Variants in LRCH1 observed in about 807,000 individuals in gnomAD.
LRCH1 encodes the protein leucine rich repeats and calponin homology domain containing 1, also known as leucine-rich repeat and calponin homology domain-containing protein 1.
Under a neutral mutation model 94.9 loss-of-function variants are expected in LRCH1, and 23 were observed. The observed-to-expected ratio is 0.24, with a 90% CI of 0.17 to 0.34. The LOEUF is 0.34. Among genes scored for constraint, LRCH1 ranks in the 10% least tolerant of loss-of-function variants. LRCH1 has a pLI of 1.00. For synonymous variants in LRCH1, 364 were observed against 354.9 expected, an observed-to-expected ratio of 1.03 and a Z score of -0.29; for missense variants, 790 against 945.9, an observed-to-expected ratio of 0.84 and a Z score of 2.16.
rs1366173280 is a variant in LRCH1 at position 46,743,160 on chromosome 13, A to G, written c.*1312A>G. 2.0e-6 allele frequency: 2 copies of G among 985,506 alleles called. No individual in the cohort carries two copies. Among genetic ancestry groups the G allele is most frequent in the Non-Finnish European group, 2.4e-6 (2 of 829,910 alleles). The allele number at this position is 985,506 out of a possible 1,614,324, so 61.0% of individuals were successfully genotyped here. A position where few individuals can be genotyped will look rare whatever the true frequency, so the allele number is the denominator to read the frequency against. On this transcript the variant is annotated 3_prime_UTR_variant, in exon 20 of 20. Transcript: ENST00000389797. ...AGATGATGGACTTAGCTTCCTCAAG[A>G]TAAATTTCTAGTTTATTAAGATGCA...
At position 46,742,085 on chromosome 13, in the gene LRCH1, T is replaced by G. The variant is rs1006873708; in HGVS notation, c.*237T>G. On this transcript the variant is annotated 3_prime_UTR_variant, in exon 20 of 20. Coordinates refer to ENST00000389797, the MANE Select transcript of LRCH1 (RefSeq NM_001164211.2). ...ACAACGACGACGACTGCAAAGTGTA[T>G]GCACACCGCATGCTTCCTCATCCAC... 21 of 1,372,374 alleles carry G rather than the reference T, an allele frequency of 1.5e-5. No homozygotes were observed. The African/African-American group carries it at 2.5e-4, about 16-fold the overall frequency. The allele number at this position is 1,372,374 out of a possible 1,614,324, so 85.0% of individuals were successfully genotyped here.
At chr13:46,585,469 C>G (rs534967253) in intron 1 of LRCH1, among the ~76,000 whole-genome samples, 4 of 147,008 alleles carry the variant, frequency 2.7e-5, no homozygotes, top group Non-Finnish European at 4.4e-5. Flanking sequence ...CCCAGCTACT[C>G]GTGAATCTGG....
chr13:46,751,015 G>A (rs4942574), exon 19 of LRCH1: 114,932 of 156,348 alleles, frequency 0.74, 42,526 homozygotes, highest in Middle Eastern at 0.92. Flanking sequence ...AACCAAACTC[G>A]TTATGTATTT....
intron 7 of LRCH1, among the ~76,000 whole-genome samples, chr13:46,689,453 C>T (rs1330873080): frequency 2.6e-5 from 4 of 152,036 alleles, no homozygotes; most frequent in Non-Finnish European, 4.4e-5. Flanking sequence ...TTCTCCTCTC[C>T]TACACATTAT....
chr13:46,680,162 G>T (rs1253906579), intron 3 of LRCH1: 2 of 152,246 alleles, frequency 1.3e-5, no homozygotes, highest in Admixed American at 6.5e-5. Context: ...TGCCAAGTGG[G>T]ACCTGCATGG....
At chr13:46,689,068 T>A in intron 6 of LRCH1, 65 bp from the exon 7 acceptor site, 1 of 1,243,042 alleles carries the variant, frequency 8.0e-7, no homozygotes, top group Non-Finnish European at 1.2e-6. Context: ...TTGATGTTTC[T>A]TGGTGTGAAC....
At position 46,725,942 on chromosome 13, in the gene LRCH1, C is replaced by T. The variant is rs891295920; in HGVS notation, c.1869+2612C>T. ...CATGGGTCATATTGATCATTTATGT[C>T]TTAATTTAGTGATATAAAATTAGAG... On this transcript the variant is annotated intron_variant, in intron 17 of 19. Transcript: ENST00000389797. Among the ~76,000 whole-genome samples, 6 of 152,148 alleles carry T rather than the reference C, an allele frequency of 3.9e-5. No homozygotes were observed. In the South Asian group the frequency reaches 1.2e-3, roughly 32 times the overall value.
At chr13:46,657,253 G>T (rs1453665176) in intron 2 of LRCH1, among the ~76,000 whole-genome samples, 2 of 151,416 alleles carry the variant, frequency 1.3e-5, no homozygotes, top group East Asian at 3.9e-4. Context: ...GTTCCAAATT[G>T]CATTTATTTG....
At chr13:46,650,723 A>C (rs1459523996) in intron 2 of LRCH1, among the ~76,000 whole-genome samples, 7 of 62,994 alleles carry the variant, frequency 1.1e-4, no homozygotes, top group African/African-American at 5.8e-4. Flanking sequence ...AACAAGGAGC[A>C]AAAAAAAAAA....
chr13:46,593,394 A>G (rs2050524001), intron 1 of LRCH1, among the ~76,000 whole-genome samples: 1 of 147,514 alleles, frequency 6.8e-6, no homozygotes, highest in South Asian at 2.1e-4. Context: ...AAACATTTCT[A>G]GGAATCCCAA....
At chr13:46,677,202 G>A (rs932487998) in intron 3 of LRCH1, among the ~76,000 whole-genome samples, 4 of 148,738 alleles carry the variant, frequency 2.7e-5, no homozygotes, top group Non-Finnish European at 4.4e-5. Context: ...CTGAGGTCAG[G>A]AGTTCGAGAC....
At chr13:46,584,636 T>A (rs1047036061) in intron 1 of LRCH1, among the ~76,000 whole-genome samples, 1 of 152,256 alleles carries the variant, frequency 6.6e-6, no homozygotes, top group Non-Finnish European at 1.5e-5. Flanking sequence ...GTCTCTACAC[T>A]CCGTGTTTTT....
rs765818499 is a variant in LRCH1, at chr13:46,650,248, T to C, written c.355T>C (p.Phe119Leu). ...LVEVPMELCHFVSLEILNLYH... is the reference protein window; with the variant it reads ...LVEVPMELCHLVSLEILNLYH... ...TGAAGTTCCAATGGAATTGTGCCATTTTGTATCACTGGAAATTCTTAATCT... is the reference window on the plus strand; with the variant it reads ...TGAAGTTCCAATGGAATTGTGCCATCTTGTATCACTGGAAATTCTTAATCT... The change falls in exon 2 of 20, where the codon TTT becomes CTT. Residue 119 changes from phenylalanine to leucine, a missense_variant. Phe to Leu is a conservative substitution (Grantham distance 22). Around this residue, in one of 3 missense-constraint regions of LRCH1, gnomAD observed 194 missense variants for 293.5 expected, o/e 0.66. Transcript: ENST00000389797. The C allele has an allele frequency of 3.1e-6, 5 of 1,612,760 alleles. No individual in the cohort carries two copies. The highest frequency in any genetic ancestry group is 4.2e-6 in the Non-Finnish European group (5 of 1,179,238).
exon 19 of LRCH1, chr13:46,751,967 C>G (rs990481230): frequency 3.3e-5 from 5 of 152,330 alleles, no homozygotes; most frequent in African/African-American, 9.6e-5. Flanking sequence ...TTCACAGTCT[C>G]TGGTGTGAAA....
intron 18 of LRCH1, among the ~76,000 whole-genome samples, chr13:46,750,345 A>G (rs1269315321): frequency 6.6e-6 from 1 of 152,146 alleles, no homozygotes; most frequent in Non-Finnish European, 1.5e-5. Flanking sequence ...CATGTGTGAA[A>G]AATCATTATT....
chr13:46,750,409 G>A, intron 18 of LRCH1: 1 of 612,832 alleles, frequency 1.6e-6, no homozygotes, highest in Non-Finnish European at 2.9e-6. Context: ...AAAGGAAGGA[G>A]CTTGGTGTAG....
chr13:46,613,385 T>G (rs929629493), intron 1 of LRCH1, among the ~76,000 whole-genome samples: 1 of 43,358 alleles, frequency 2.3e-5, no homozygotes, highest in African/African-American at 2.5e-4. Flanking sequence ...AGACCCCGTC[T>G]GAAAAAAAAA....
At chr13:46,588,447 G>T (rs1272967387) in intron 1 of LRCH1, among the ~76,000 whole-genome samples, 1 of 152,044 alleles carries the variant, frequency 6.6e-6, no homozygotes, top group Admixed American at 6.6e-5. Flanking sequence ...TAAGGTCTTA[G>T]TAGAATTTCA....
chr13:46,685,475 G>A (rs1870556811), intron 4 of LRCH1, among the ~76,000 whole-genome samples: 1 of 152,176 alleles, frequency 6.6e-6, no homozygotes, highest in East Asian at 1.9e-4. Context: ...CTGGGATAAT[G>A]CCAGCCCAAA....
Sources: allele counts gnomAD v4.1 joint callset (sites outside exome capture counted in the v4.1 genomes callset), GRCh38; gene constraint gnomAD v4.1.1; regional missense constraint gnomAD v4.1.1; transcripts MANE v1.5; gene names NCBI Gene and HGNC (gene_info 2026-07-23, HGNC 2026-07-21).